The following MICAL3 variants were observed in gnomAD, a reference collection of about 807,000 sequenced individuals.
The protein encoded by MICAL3 is microtubule associated monooxygenase, calponin and LIM domain containing 3, also known as [F-actin]-monooxygenase MICAL3.
In MICAL3, 62 loss-of-function variants were observed where a neutral mutation model predicts 207.4. The ratio of observed to expected loss-of-function variants is 0.30; its 90% CI spans 0.24 to 0.37. The LOEUF is 0.37. Ranked by LOEUF, MICAL3 falls within the 10% of genes least tolerant of loss-of-function variation. MICAL3 has a pLI of 1.00. For synonymous variants in MICAL3, 1,077 were observed against 1,069.3 expected, an observed-to-expected ratio of 1.01 and a Z score of -0.14; for missense variants, 2,368 against 2,635.6, an observed-to-expected ratio of 0.90 and a Z score of 2.22.
At chr22:17,828,611 C>G (rs372165777) in intron 21 of MICAL3, among the ~76,000 whole-genome samples, 1 of 152,230 alleles carries the variant, frequency 6.6e-6, no homozygotes, top group East Asian at 1.9e-4. Context: ...CCTGAGAACT[C>G]CATGTGGTGC....
At position 17,790,564 on chromosome 22, in the gene MICAL3, G is replaced by A; in HGVS notation, c.*168C>T. On this transcript the variant is annotated 3_prime_UTR_variant, in exon 32 of 32. Transcript: ENST00000441493. ...CGTCTCAGATAACCACTGTCACCTGGGGCTCCCCACTGCACGCGGGACTCG... is the reference window on the plus strand; with the variant it reads ...CGTCTCAGATAACCACTGTCACCTGAGGCTCCCCACTGCACGCGGGACTCG... 1 of 633,626 alleles carries A rather than the reference G, an allele frequency of 1.6e-6. No homozygotes were observed. The highest frequency in any genetic ancestry group is 2.8e-5 in the East Asian group (1 of 36,248). 39.3% of individuals were successfully genotyped at this position (633,626 alleles called of 1,614,324 possible).
chr22:18,023,500 G>A (rs889805918), intron 1 of MICAL3, among the ~76,000 whole-genome samples: 4 of 152,206 alleles, frequency 2.6e-5, no homozygotes, highest in Non-Finnish European at 4.4e-5. Flanking sequence ...ATTTTAGGGA[G>A]GAGAGAGGAG....
intron 1 of MICAL3, among the ~76,000 whole-genome samples, chr22:17,934,143 CACA>C (rs1301241608): frequency 4.6e-5 from 7 of 152,176 alleles, no homozygotes; most frequent in South Asian, 2.1e-4. Context: ...CTGGCAGAGA[CACA>C]ACAACAACAA....
Position 17,831,928 on chromosome 22 carries a change from T to A in MICAL3, c.2981A>T (p.Glu994Val). 6.4e-7 allele frequency: 1 copy of A among 1,568,844 alleles called. No individual in the cohort carries two copies. The highest frequency in any genetic ancestry group is 1.2e-5 in the South Asian group (1 of 85,214). ...SKSFGPGNEEEEEEEEEYEEE... is the reference protein window; with the variant it reads ...SKSFGPGNEEVEEEEEEYEEE... Reference sequence around the variant, plus strand: ...TTCATATTCTTCCTCCTCCTCCTCCTCCTCTTCATTCCCAGGCCCAAAGCT... The same window carrying A: ...TTCATATTCTTCCTCCTCCTCCTCCACCTCTTCATTCCCAGGCCCAAAGCT... The change falls in exon 21 of 32, where the codon GAG becomes GTG. Residue 994 changes from glutamate to valine, a missense_variant. This residue lies in a region of MICAL3 where 1,770 missense variants were observed against 1,863.2 expected (regional missense o/e 0.95). Coordinates refer to ENST00000441493, the MANE Select transcript of MICAL3 (RefSeq NM_015241.3).
Position 17,911,187 on chromosome 22 carries a change from G to A in MICAL3, c.-74-4301C>T, listed in dbSNP as rs368643651. Among the ~76,000 whole-genome samples, 34 of 152,292 alleles carry A rather than the reference G, an allele frequency of 2.2e-4. No homozygotes were observed. In the East Asian group the frequency reaches 5.8e-3, roughly 26 times the overall value. On this transcript the variant is annotated intron_variant, in intron 1 of 31. Transcript: ENST00000441493. ...TGCAGAGACGGCCTCTGAAGCACAC[G>A]CAGGACATGGTTATGTTTCTATTTA... is the stretch of plus-strand genomic sequence containing the variant.
intron 29 of MICAL3, among the ~76,000 whole-genome samples, chr22:17,794,038 C>T (rs920426316): frequency 6.6e-6 from 1 of 152,136 alleles, no homozygotes; most frequent in Non-Finnish European, 1.5e-5. Flanking sequence ...TTTTTCAGCA[C>T]GGAACTGAAC....
chr22:17,925,971 T>C (rs1303230486), intron 1 of MICAL3, among the ~76,000 whole-genome samples: 2 of 152,028 alleles, frequency 1.3e-5, no homozygotes, highest in Non-Finnish European at 2.9e-5. Context: ...AGAAATAAAA[T>C]AAAATTTATG....
At position 17,790,468 on chromosome 22, in the gene MICAL3, G is replaced by A. The variant is rs114601548; in HGVS notation, c.*264C>T. On this transcript the variant is annotated 3_prime_UTR_variant, in exon 32 of 32. Coordinates refer to ENST00000441493, the MANE Select transcript of MICAL3 (RefSeq NM_015241.3). ...GGGAGCGCGCGGGGTGGTCCCCTGC[G>A]TCATGCCATACACGCCGTGCTGCTC... is the stretch of plus-strand genomic sequence containing the variant. 3.3e-3 allele frequency: 1,725 copies of A among 518,470 alleles called. 25 individuals carry two copies. Among genetic ancestry groups the A allele is most frequent in the African/African-American group, 0.029 (1,525 of 52,580 alleles). 32.1% of individuals were successfully genotyped at this position (518,470 alleles called of 1,614,324 possible). A position where few individuals can be genotyped will look rare whatever the true frequency, so the allele number is the denominator to read the frequency against.
At chr22:17,962,702 C>CTAGAAT (rs56898822) in intron 1 of MICAL3, among the ~76,000 whole-genome samples, 30,303 of 151,930 alleles carry the variant, frequency 0.2, 3,164 homozygotes, top group Middle Eastern at 0.27. Context: ...AAGCAATTTC[C>CTAGAAT]AAGGACCCTT....
intron 27 of MICAL3, 28 bp downstream of exon 27, chr22:17,816,662 C>G (rs1404079626): frequency 5.3e-6 from 8 of 1,518,446 alleles, no homozygotes; most frequent in Non-Finnish European, 6.3e-6. Flanking sequence ...GCCCCAGGCC[C>G]TGTGAAGCCC....
At chr22:18,018,765 T>TACACACACACACAC in intron 1 of MICAL3, among the ~76,000 whole-genome samples, 1 of 127,730 alleles carries the variant, frequency 7.8e-6, no homozygotes, top group African/African-American at 3.1e-5. Context: ...TCTATCTATC[T>TACACACACACACAC]ATCTACACAC....
rs749531103 is a variant in MICAL3 at position 17,818,479 on chromosome 22, C to T, written c.4182G>A (p.Pro1394=). The change falls in exon 26 of 32, where the codon CCG becomes CCA. Residue 1394 remains proline, a synonymous_variant. Coordinates refer to ENST00000441493, the MANE Select transcript of MICAL3 (RefSeq NM_015241.3). ...TTGGCAGGGACAACGGCTCGCCTTCCGGCTTTGGCAGGCCCAGCCTTTTGG... is the reference window on the plus strand; with the variant it reads ...TTGGCAGGGACAACGGCTCGCCTTCTGGCTTTGGCAGGCCCAGCCTTTTGG... The part of the protein sequence containing the change: ...SIPKRLGLPK[P]EGEPLSLPTP... 15 of 1,612,874 alleles carry T rather than the reference C, an allele frequency of 9.3e-6. No homozygotes were observed. The highest frequency in any genetic ancestry group is 2.7e-5 in the African/African-American group (2 of 75,062).
At chr22:17,898,503 G>A (rs1017687690) in intron 7 of MICAL3, among the ~76,000 whole-genome samples, 3 of 152,176 alleles carry the variant, frequency 2.0e-5, no homozygotes, top group African/African-American at 4.8e-5. Context: ...TCCCCGCTCT[G>A]CTGTCATATA....
chr22:17,814,431 A>C (rs2062080745), intron 27 of MICAL3: 1 of 152,234 alleles, frequency 6.6e-6, no homozygotes, highest in Admixed American at 6.5e-5. Flanking sequence ...ACTTTCCTAC[A>C]TAAAAGTACA....
intron 21 of MICAL3, among the ~76,000 whole-genome samples, chr22:17,830,820 C>T (rs1292792543): frequency 5.9e-5 from 9 of 152,210 alleles, no homozygotes; most frequent in Admixed American, 1.3e-4. Context: ...GCTGTTCTCG[C>T]GGACGCCCAA....
intron 16 of MICAL3, among the ~76,000 whole-genome samples, chr22:17,883,373 G>A (rs1228169982): frequency 2.0e-5 from 3 of 152,162 alleles, no homozygotes; most frequent in African/African-American, 7.2e-5. Context: ...TTGCCTGAAT[G>A]TAAGTAATTT....
At position 17,797,407 on chromosome 22, in the gene MICAL3, C is replaced by T. The variant is rs1313535335; in HGVS notation, c.5651-6106G>A. On this transcript the variant is annotated intron_variant, in intron 29 of 31. Transcript: ENST00000441493. ...TACTCAGGAGGCTACGGTGGGAGGG[C>T]TGCTTGAGCCCGGGAGGTCAAGGCT... is the stretch of plus-strand genomic sequence containing the variant. Among the ~76,000 whole-genome samples, 7 of 152,192 alleles carry T rather than the reference C, an allele frequency of 4.6e-5. No individual in the cohort carries two copies. The East Asian group carries it at 9.7e-4, about 21-fold the overall frequency.
chr22:17,976,585 A>ATTTTTTTTT (rs1372475997), intron 1 of MICAL3, among the ~76,000 whole-genome samples: 3 of 83,578 alleles, frequency 3.6e-5, no homozygotes, highest in African/African-American at 5.8e-5. Flanking sequence ...ATATATATAT[A>ATTTTTTTTT]TATATTTTTT....
Position 17,994,734 on chromosome 22 carries a change from G to GA in MICAL3, c.-75+29546dup, listed in dbSNP as rs921533327. ...AAGACTCTGTCTCAAAAAAAAAAAA[G>GA]AAAAAAAAAGAAGCATGGGCAGGAG... On this transcript the variant is annotated intron_variant, in intron 1 of 31. Transcript: ENST00000441493. Among the ~76,000 whole-genome samples the GA allele has an allele frequency of 2.0e-3, 282 of 144,078 alleles. 1 individual carries two copies. Among genetic ancestry groups the GA allele is most frequent in the African/African-American group, 6.4e-3 (252 of 39,258 alleles). 94.5% of individuals were successfully genotyped at this position (144,078 alleles called of 152,430 possible).
Sources: allele counts gnomAD v4.1 joint callset (sites outside exome capture counted in the v4.1 genomes callset), GRCh38; gene constraint gnomAD v4.1.1; regional missense constraint gnomAD v4.1.1; transcripts MANE v1.5; gene names NCBI Gene and HGNC (gene_info 2026-07-23, HGNC 2026-07-21).